TCF7L1: variants seen among roughly 807,000 people sequenced by gnomAD.
TCF7L1 encodes the protein transcription factor 7 like 1, also known as transcription factor 7-like 1.
A neutral mutation model predicts 63.7 loss-of-function variants in TCF7L1; 18 were observed. The observed-to-expected ratio is 0.28, with a 90% CI of 0.20 to 0.42. The LOEUF is 0.42. Among genes scored for constraint, TCF7L1 ranks in the 10% least tolerant of loss-of-function variants. The pLI is 1.00. For synonymous variants in TCF7L1, 355 were observed against 340.9 expected, an observed-to-expected ratio of 1.04 and a Z score of -0.46; for missense variants, 654 against 779.3, an observed-to-expected ratio of 0.84 and a Z score of 1.91.
intron 3 of TCF7L1, among the ~76,000 whole-genome samples, chr2:85,272,413 C>T (rs554274077): frequency 1.0e-3 from 157 of 152,208 alleles, no homozygotes; most frequent in African/African-American, 3.4e-3. Flanking sequence ...AAAAATCCAG[C>T]GATAACATTT....
chr2:85,260,620 G>A (rs1191865366), intron 3 of TCF7L1, among the ~76,000 whole-genome samples: 4 of 150,300 alleles, frequency 2.7e-5, no homozygotes, highest in African/African-American at 4.9e-5. Flanking sequence ...CTCCAACCCC[G>A]GTGACAGAGT....
intron 3 of TCF7L1, among the ~76,000 whole-genome samples, chr2:85,186,052 T>C (rs61342907): frequency 0.15 from 21,781 of 149,156 alleles, 1,887 homozygotes; most frequent in African/African-American, 0.22. Context: ...CTGCAAGCTC[T>C]GCCTCCCAGG....
At chr2:85,244,961 C>G (rs1048638640) in intron 3 of TCF7L1, among the ~76,000 whole-genome samples, 7 of 151,954 alleles carry the variant, frequency 4.6e-5, no homozygotes, top group South Asian at 4.2e-4. Context: ...GGGGAGTGTA[C>G]GAAGGAAGAG....
chr2:85,237,895 C>A (rs1240101219), intron 3 of TCF7L1, among the ~76,000 whole-genome samples: 1 of 151,950 alleles, frequency 6.6e-6, no homozygotes, highest in Non-Finnish European at 1.5e-5. Flanking sequence ...GACATGCCTC[C>A]GCAGAAGCGG....
chr2:85,250,219 C>T (rs1044831414), intron 3 of TCF7L1, among the ~76,000 whole-genome samples: 32 of 152,072 alleles, frequency 2.1e-4, no homozygotes, highest in Admixed American at 5.9e-4. Flanking sequence ...TTCAAGCTAC[C>T]AACGTGACAT....
Position 85,183,550 on chromosome 2 carries a change from A to G in TCF7L1, c.441+49100A>G, listed in dbSNP as rs537210115. Among the ~76,000 whole-genome samples the G allele has an allele frequency of 3.0e-4, 46 of 152,264 alleles. No individual in the cohort carries two copies. The South Asian group carries it at 8.1e-3, about 27-fold the overall frequency. ...AGAGCCCATAACCCTGCTGGCTTGA[A>G]TAAGGCAGTAGGTGTTTTATATTCA... On this transcript the variant is annotated intron_variant, in intron 3 of 11. Coordinates refer to ENST00000282111, the MANE Select transcript of TCF7L1 (RefSeq NM_031283.3).
intron 4 of TCF7L1, among the ~76,000 whole-genome samples, chr2:85,295,296 G>A (rs1681815925): frequency 6.6e-6 from 1 of 152,120 alleles, no homozygotes; most frequent in Non-Finnish European, 1.5e-5. Flanking sequence ...TTGCCTCCCA[G>A]GTTCAAGCGA....
chr2:85,283,695 G>A, intron 4 of TCF7L1, 117 bp downstream of exon 4: 1 of 1,086,602 alleles, frequency 9.2e-7, no homozygotes, highest in Admixed American at 1.7e-5. Context: ...CCTCAAATGT[G>A]TGAGTACAGT....
At chr2:85,249,145 T>C (rs182075088) in intron 3 of TCF7L1, among the ~76,000 whole-genome samples, 31 of 152,270 alleles carry the variant, frequency 2.0e-4, no homozygotes, top group Admixed American at 1.0e-3. Context: ...GAAATTTTAG[T>C]TTTTGCTTTT....
At chr2:85,151,548 T>C (rs1283015816) in intron 3 of TCF7L1, among the ~76,000 whole-genome samples, 2 of 152,212 alleles carry the variant, frequency 1.3e-5, no homozygotes, top group African/African-American at 4.8e-5. Context: ...ATTTGCAGTT[T>C]CAAAATGGTG....
chr2:85,294,856 G>C (rs985575983), intron 4 of TCF7L1, among the ~76,000 whole-genome samples: 1 of 151,826 alleles, frequency 6.6e-6, no homozygotes, highest in African/African-American at 2.4e-5. Flanking sequence ...AACATAGTGC[G>C]ACCTCACCTT....
chr2:85,277,976 G>C (rs762998305), intron 3 of TCF7L1, among the ~76,000 whole-genome samples: 1 of 152,146 alleles, frequency 6.6e-6, no homozygotes, highest in Non-Finnish European at 1.5e-5. Flanking sequence ...GTTAATCTCC[G>C]TAGCTCATTG....
chr2:85,204,785 T>C (rs184369867), intron 3 of TCF7L1: 1 of 152,320 alleles, frequency 6.6e-6, no homozygotes, highest in African/African-American at 2.4e-5. Context: ...GCCAACTTTT[T>C]AAAAATTTAA....
intron 4 of TCF7L1, among the ~76,000 whole-genome samples, chr2:85,302,156 CT>C (rs1336501738): frequency 6.6e-6 from 1 of 151,942 alleles, no homozygotes; most frequent in African/African-American, 2.4e-5. Flanking sequence ...AAAAAAAAAC[CT>C]TTTTAGATTC....
At chr2:85,278,541 T>C (rs1047626061) in intron 3 of TCF7L1, among the ~76,000 whole-genome samples, 1 of 152,204 alleles carries the variant, frequency 6.6e-6, no homozygotes, top group Non-Finnish European at 1.5e-5. Flanking sequence ...ATACATCTCA[T>C]AAATGAGTCA....
chr2:85,309,480 C>T lies in TCF7L1; in HGVS notation c.*18C>T. 1 of 1,516,364 alleles carries T rather than the reference C, an allele frequency of 6.6e-7. No individual in the cohort carries two copies. Among genetic ancestry groups the T allele is most frequent in the Non-Finnish European group, 8.8e-7 (1 of 1,133,894 alleles). The allele number at this position is 1,516,364 out of a possible 1,614,324, so 93.9% of individuals were successfully genotyped here. ...CCCACTAAGCTCCCCCCGACCCCTGCAGGCTGTCACATGACTCATTGAGTA... is the reference window on the plus strand; with the variant it reads ...CCCACTAAGCTCCCCCCGACCCCTGTAGGCTGTCACATGACTCATTGAGTA... On this transcript the variant is annotated 3_prime_UTR_variant, in exon 12 of 12. Transcript: ENST00000282111.
At chr2:85,305,215 C>T in intron 7 of TCF7L1, 45 bp from the exon 8 acceptor site, 1 of 1,614,040 alleles carries the variant, frequency 6.2e-7, no homozygotes, top group Non-Finnish European at 8.5e-7. Flanking sequence ...GGCAGGTATC[C>T]AGCCTGAACC....
In TCF7L1 at chr2:85,186,074, C is replaced by G. The variant is rs920617794; in HGVS notation, c.441+51624C>G. Among the ~76,000 whole-genome samples the G allele has an allele frequency of 1.1e-4, 16 of 148,454 alleles. No individual in the cohort carries two copies. In the South Asian group the frequency reaches 3.4e-3, roughly 31 times the overall value. ...CTCTGCCTCCCAGGTTCACTCCGTT[C>G]TCCTGCCTCAGCCTCCCGAGTAGCT... On this transcript the variant is annotated intron_variant, in intron 3 of 11. Transcript: ENST00000282111.
intron 3 of TCF7L1, among the ~76,000 whole-genome samples, chr2:85,163,062 G>A (rs1678327201): frequency 2.0e-5 from 3 of 152,076 alleles, no homozygotes; most frequent in African/African-American, 7.2e-5. Context: ...GAGAAGGAAA[G>A]GCCCTCCAAG....
Sources: allele counts gnomAD v4.1 joint callset (sites outside exome capture counted in the v4.1 genomes callset), GRCh38; gene constraint gnomAD v4.1.1; transcripts MANE v1.5; gene names NCBI Gene and HGNC (gene_info 2026-07-23, HGNC 2026-07-21).